APBA1: variants seen among roughly 807,000 people sequenced by gnomAD.
APBA1 encodes the protein amyloid beta precursor protein binding family A member 1.
In APBA1, 55 loss-of-function variants were observed where a neutral mutation model predicts 86.6. That is an observed-to-expected ratio of 0.64 (90% CI 0.51 to 0.80). APBA1 has a LOEUF of 0.80. APBA1 is among the 30% of genes least tolerant of loss of function. APBA1 has a pLI of 0.00. For synonymous variants in APBA1, 511 were observed against 493.9 expected (o/e 1.03, Z -0.46); for missense variants, 1,090 against 1,183.0 (o/e 0.92, Z 1.15).
intron 1 of APBA1, among the ~76,000 whole-genome samples, chr9:69,607,930 A>G (rs560676691): frequency 5.3e-4 from 81 of 152,302 alleles, no homozygotes; most frequent in African/African-American, 1.8e-3. Flanking sequence ...CATGCATGTA[A>G]AGCACTTAGC....
intron 1 of APBA1, among the ~76,000 whole-genome samples, chr9:69,633,720 C>T (rs1823097368): frequency 6.6e-6 from 1 of 152,192 alleles, no homozygotes; most frequent in South Asian, 2.1e-4. Flanking sequence ...TTCTCTAATA[C>T]TACTGCTCCT....
At chr9:69,515,222 G>A (rs1836116833) in intron 2 of APBA1, among the ~76,000 whole-genome samples, 2 of 152,268 alleles carry the variant, frequency 1.3e-5, no homozygotes, top group South Asian at 2.1e-4. Flanking sequence ...AAGGCCAGAC[G>A]CAGACCCTCC....
At chr9:69,559,692 T>C (rs1836919135) in intron 1 of APBA1, among the ~76,000 whole-genome samples, 1 of 152,212 alleles carries the variant, frequency 6.6e-6, no homozygotes, top group African/African-American at 2.4e-5. Context: ...GTTCAGAGAA[T>C]GCTGCCAGTT....
At chr9:69,651,352 T>C (rs1823495268) in intron 1 of APBA1, among the ~76,000 whole-genome samples, 2 of 152,252 alleles carry the variant, frequency 1.3e-5, no homozygotes, top group Admixed American at 6.5e-5. Context: ...CACAGGTTTA[T>C]ACAGATGTAA....
chr9:69,441,452 G>A (rs148596421), intron 10 of APBA1, among the ~76,000 whole-genome samples: 2 of 152,276 alleles, frequency 1.3e-5, no homozygotes, highest in African/African-American at 2.4e-5. Context: ...GTCCTTTTTG[G>A]CTTCAAAGAT....
At chr9:69,613,308 T>TA (rs1383339099) in intron 1 of APBA1, among the ~76,000 whole-genome samples, 1 of 152,224 alleles carries the variant, frequency 6.6e-6, no homozygotes, top group African/African-American at 2.4e-5. Flanking sequence ...AGCCATCTTC[T>TA]AAGCTGCAAC....
chr9:69,551,916 A>C (rs1173311009), intron 1 of APBA1, among the ~76,000 whole-genome samples: 1 of 152,072 alleles, frequency 6.6e-6, no homozygotes, highest in Non-Finnish European at 1.5e-5. Context: ...TTTAATGCCT[A>C]CTCTGCAGAA....
At chr9:69,551,363 C>G (rs572220507) in intron 1 of APBA1, among the ~76,000 whole-genome samples, 1 of 152,178 alleles carries the variant, frequency 6.6e-6, no homozygotes, top group East Asian at 1.9e-4. Context: ...ACCAGCCTGT[C>G]CAACATGGTG....
chr9:69,611,619 G>T (rs1397758592), intron 1 of APBA1, among the ~76,000 whole-genome samples: 1 of 152,154 alleles, frequency 6.6e-6, no homozygotes, highest in Admixed American at 6.5e-5. Flanking sequence ...TTAGCCATGG[G>T]AACACGTTCC....
At chr9:69,530,459 T>TCAGAAA (rs1312751874) in intron 1 of APBA1, among the ~76,000 whole-genome samples, 1 of 151,702 alleles carries the variant, frequency 6.6e-6, no homozygotes, top group Admixed American at 6.6e-5. Flanking sequence ...GTGAACTAAC[T>TCAGAAA]CAGAAACAGA....
At chr9:69,586,252 T>C (rs1367167304) in intron 1 of APBA1, among the ~76,000 whole-genome samples, 2 of 152,230 alleles carry the variant, frequency 1.3e-5, no homozygotes, top group Non-Finnish European at 2.9e-5. Flanking sequence ...TATTGGCATC[T>C]CCTTGCCCCT....
At chr9:69,580,302 T>TG (rs1182871994) in intron 1 of APBA1, among the ~76,000 whole-genome samples, 4 of 152,090 alleles carry the variant, frequency 2.6e-5, no homozygotes, top group Non-Finnish European at 5.9e-5. Context: ...AGAGGATGGG[T>TG]GGTTTCAGGG....
chr9:69,520,788 C>T (rs1836239463), intron 1 of APBA1, among the ~76,000 whole-genome samples: 1 of 152,192 alleles, frequency 6.6e-6, no homozygotes, highest in African/African-American at 2.4e-5. Flanking sequence ...AAACTGATGC[C>T]AGAGTCCACT....
intron 1 of APBA1, among the ~76,000 whole-genome samples, chr9:69,652,672 CAT>C (rs1655599958): frequency 6.6e-6 from 1 of 152,114 alleles, no homozygotes; most frequent in South Asian, 2.1e-4. Flanking sequence ...AATTAAAAGA[CAT>C]AGAGTGGCTG....
At chr9:69,458,243 G>A (rs1484774917) in intron 5 of APBA1, 55 bp from the exon 6 acceptor site, 2 of 1,526,768 alleles carry the variant, frequency 1.3e-6, no homozygotes, top group Non-Finnish European at 1.8e-6. Flanking sequence ...AATGTGTAGA[G>A]ACTCAAAGTC....
intron 2 of APBA1, among the ~76,000 whole-genome samples, chr9:69,501,632 ACACACACACAC>A (rs1835881183): frequency 6.9e-4 from 2 of 2,918 alleles, no homozygotes; most frequent in Non-Finnish European, 2.6e-3. Flanking sequence ...TCTACAAAAC[ACACACACACAC>A]ACACACACAC....
At chr9:69,466,916 T>C (rs1172408347) in intron 5 of APBA1, among the ~76,000 whole-genome samples, 1 of 152,194 alleles carries the variant, frequency 6.6e-6, no homozygotes, top group Non-Finnish European at 1.5e-5. Context: ...TCTAACCTAT[T>C]CCAACTTGCT....
At chr9:69,436,808 CTA>C (rs1408600300) in intron 11 of APBA1, among the ~76,000 whole-genome samples, 3 of 152,042 alleles carry the variant, frequency 2.0e-5, no homozygotes, top group African/African-American at 7.3e-5. Context: ...ACTTCCAAAA[CTA>C]TGTTGAATAG....
At chr9:69,587,799 C>T (rs139621688) in intron 1 of APBA1, among the ~76,000 whole-genome samples, 9 of 151,826 alleles carry the variant, frequency 5.9e-5, no homozygotes, top group Non-Finnish European at 1.0e-4. Context: ...CTGAGGTAGC[C>T]GGATCATTTG....
Sources: allele counts gnomAD v4.1 joint callset (sites outside exome capture counted in the v4.1 genomes callset), GRCh38; gene constraint gnomAD v4.1.1; transcripts MANE v1.5; gene names NCBI Gene and HGNC (gene_info 2026-07-23, HGNC 2026-07-21).